Variants in ENTPD1 observed in about 807,000 individuals in gnomAD.
ENTPD1 encodes ectonucleoside triphosphate diphosphohydrolase 1.
Under a neutral mutation model 57.0 loss-of-function variants are expected in ENTPD1, and 33 were observed. That is an observed-to-expected ratio of 0.58 (90% confidence interval 0.44 to 0.77). The LOEUF is 0.77. ENTPD1 is among the 30% of genes least tolerant of loss of function. The pLI is 0.00. For missense variants in ENTPD1, 501 were observed against 603.4 expected, an observed-to-expected ratio of 0.83 and a Z score of 1.78; for synonymous variants, 202 against 218.8, an observed-to-expected ratio of 0.92 and a Z score of 0.68.
intron 8 of ENTPD1, among the ~76,000 whole-genome samples, chr10:95,864,481 G>A (rs2098470560): frequency 6.6e-6 from 1 of 152,150 alleles, no homozygotes; most frequent in African/African-American, 2.4e-5. Flanking sequence ...TTTTCCTGGA[G>A]GACCTGTTAT....
At chr10:95,814,767 C>T (rs1012233037) in intron 1 of ENTPD1, among the ~76,000 whole-genome samples, 2 of 152,134 alleles carry the variant, frequency 1.3e-5, no homozygotes, top group Non-Finnish European at 2.9e-5. Context: ...CCAGTAACTT[C>T]CTCTGACGTC....
intron 2 of ENTPD1, among the ~76,000 whole-genome samples, chr10:95,834,914 C>A (rs2098405802): frequency 1.3e-5 from 2 of 148,824 alleles, no homozygotes; most frequent in Non-Finnish European, 3.0e-5. Flanking sequence ...CAGAGCGAGA[C>A]TCCGTCTCAA....
intron 1 of ENTPD1, among the ~76,000 whole-genome samples, chr10:95,734,390 G>A (rs1182863656): frequency 2.6e-5 from 4 of 152,198 alleles, no homozygotes; most frequent in Admixed American, 2.0e-4. Context: ...GATGGAACTT[G>A]CTCCATGCAT....
chr10:95,802,985 T>G (rs2098256570), intron 1 of ENTPD1, among the ~76,000 whole-genome samples: 1 of 152,210 alleles, frequency 6.6e-6, no homozygotes, highest in Non-Finnish European at 1.5e-5. Flanking sequence ...TGAGGTCAGA[T>G]AGCATGATGC....
At chr10:95,738,625 C>G (rs2097997099) in intron 1 of ENTPD1, among the ~76,000 whole-genome samples, 1 of 152,096 alleles carries the variant, frequency 6.6e-6, no homozygotes, top group South Asian at 2.1e-4. Flanking sequence ...CTTCTCACCT[C>G]AAACCAAGAC....
intron 1 of ENTPD1, among the ~76,000 whole-genome samples, chr10:95,738,818 G>A (rs1435566130): frequency 6.6e-6 from 1 of 152,226 alleles, no homozygotes; most frequent in Non-Finnish European, 1.5e-5. Flanking sequence ...TTTAGGTGCT[G>A]TGGGATGTTG....
intron 1 of ENTPD1, among the ~76,000 whole-genome samples, chr10:95,820,960 A>T (rs2098348499): frequency 1.3e-5 from 2 of 152,246 alleles, no homozygotes; most frequent in Non-Finnish European, 2.9e-5. Context: ...AAAACAAAAG[A>T]AGTTAACAAG....
At chr10:95,694,758 T>C in the ENTPD1 span, among the ~76,000 whole-genome samples, 1 of 152,110 alleles carries the variant, frequency 6.6e-6, no homozygotes, top group African/African-American at 2.4e-5. Flanking sequence ...CCTCTTCCGA[T>C]TCCCCACAGC....
intron 7 of ENTPD1, 61 bp from the exon 8 acceptor site, chr10:95,860,408 G>A: frequency 7.2e-7 from 1 of 1,391,710 alleles, no homozygotes; most frequent in Non-Finnish European, 1.0e-6. Flanking sequence ...CGGCCTTTAG[G>A]AGAGCAAGTT....
intron 8 of ENTPD1, among the ~76,000 whole-genome samples, chr10:95,863,639 G>A (rs1382313534): frequency 2.6e-5 from 4 of 152,198 alleles, no homozygotes; most frequent in Non-Finnish European, 4.4e-5. Context: ...ACTGGGGACA[G>A]GCAAGAACCA....
intron 1 of ENTPD1, among the ~76,000 whole-genome samples, chr10:95,717,694 CT>C (rs745467751): frequency 2.8e-4 from 42 of 152,278 alleles, no homozygotes; most frequent in Non-Finnish European, 4.6e-4. Flanking sequence ...TCAGTACCCC[CT>C]CTCAACGGGA....
rs570679181 is a variant in ENTPD1, at chr10:95,731,910, G to A, written c.37+19917G>A. Among the ~76,000 whole-genome samples, 43 of 149,896 alleles carry A rather than the reference G, an allele frequency of 2.9e-4. No individual in the cohort carries two copies. The South Asian group carries it at 8.2e-3, about 29-fold the overall frequency. Reference sequence around the variant, plus strand: ...CTATTCTGAAGTCTCAGCTTCCCGAGTACCTGCGATTACAGGCACCTGCTA... The same window carrying A: ...CTATTCTGAAGTCTCAGCTTCCCGAATACCTGCGATTACAGGCACCTGCTA... On this transcript the variant is annotated intron_variant, in intron 1 of 9. Coordinates refer to the ENTPD1 transcript ENST00000453258.
At chr10:95,770,256 A>AGAGT (rs1555282690) in intron 1 of ENTPD1, among the ~76,000 whole-genome samples, 1 of 135,008 alleles carries the variant, frequency 7.4e-6, no homozygotes, top group Non-Finnish European at 1.6e-5. Flanking sequence ...TGAGTGAGTG[A>AGAGT]GTGTGTGTGT....
Position 95,778,019 on chromosome 10 carries a change from G to A in ENTPD1, c.16+21764G>A, listed in dbSNP as rs531497162. On this transcript the variant is annotated intron_variant, in intron 1 of 9. Coordinates refer to ENST00000371205, the MANE Select transcript of ENTPD1 (RefSeq NM_001776.6). ...GTTGGAAAAGCACAGTATTAGGGCAGGAGTGTCCTGTTTTTCCAGGTACCA... is the reference window on the plus strand; with the variant it reads ...GTTGGAAAAGCACAGTATTAGGGCAAGAGTGTCCTGTTTTTCCAGGTACCA... Among the ~76,000 whole-genome samples the A allele has an allele frequency of 2.0e-5, 3 of 152,298 alleles. No homozygotes were observed. The South Asian group carries it at 6.2e-4, about 32-fold the overall frequency.
intron 3 of ENTPD1, among the ~76,000 whole-genome samples, chr10:95,840,056 GC>G (rs1372952820): frequency 6.6e-6 from 1 of 152,178 alleles, no homozygotes; most frequent in Non-Finnish European, 1.5e-5. Flanking sequence ...GAACACTTCT[GC>G]ATGCTATGTA....
At chr10:95,698,298 C>T in the ENTPD1 span, among the ~76,000 whole-genome samples, 2 of 152,142 alleles carry the variant, frequency 1.3e-5, no homozygotes, top group African/African-American at 4.8e-5. Context: ...ATAGAAGGAG[C>T]TACATGATTA....
chr10:95,842,213 C>A, intron 3 of ENTPD1, 131 bp from the exon 4 acceptor site: 1 of 813,014 alleles, frequency 1.2e-6, no homozygotes, highest in Non-Finnish European at 2.0e-6. Context: ...AGTACAATAA[C>A]CTAATGTATA....
chr10:95,719,252 T>C (rs1341522204), intron 1 of ENTPD1, among the ~76,000 whole-genome samples: 1 of 152,214 alleles, frequency 6.6e-6, no homozygotes, highest in East Asian at 1.9e-4. Context: ...ATTCCTCTTT[T>C]TTCTGTGACA....
At chr10:95,747,041 T>A (rs115058152) in intron 1 of ENTPD1, among the ~76,000 whole-genome samples, 5,675 of 152,326 alleles carry the variant, frequency 0.037, 128 homozygotes, top group Non-Finnish European at 0.049. Flanking sequence ...GGCATGGATC[T>A]ATTGCTGGTA....
Sources: allele counts gnomAD v4.1 joint callset (sites outside exome capture counted in the v4.1 genomes callset), GRCh38; gene constraint gnomAD v4.1.1; transcripts MANE v1.5; gene names NCBI Gene and HGNC (gene_info 2026-07-23, HGNC 2026-07-21).